The following FAM83F variants were observed in gnomAD, a reference collection of about 807,000 sequenced individuals.
The protein encoded by FAM83F is protein FAM83F.
FAM83F carries 45 observed loss-of-function variants against 42.9 expected under a neutral mutation model. The observed-to-expected ratio is 1.05, with a 90% CI of 0.83 to 1.35. The LOEUF is 1.35. FAM83F is among the 40% of genes most tolerant of loss of function. The pLI, the probability that FAM83F is intolerant of heterozygous loss-of-function variation, is 0.00. For synonymous variants in FAM83F, 306 were observed against 298.3 expected (o/e 1.03, Z -0.27); for missense variants, 617 against 695.9 (o/e 0.89, Z 1.28).
In FAM83F at chr22:39,995,665, A is replaced by G. The variant is rs2067371045; in HGVS notation, c.489+134A>G. 4 of 1,367,720 alleles carry G rather than the reference A, an allele frequency of 2.9e-6. No homozygotes were observed. In the South Asian group the frequency reaches 4.6e-5, roughly 16 times the overall value. The allele number at this position is 1,367,720 out of a possible 1,614,324, so 84.7% of individuals were successfully genotyped here. On this transcript the variant is annotated intron_variant, in intron 1 of 4. Transcript: ENST00000333407. The surrounding 1 kb of genome is among the most constrained non-coding windows in gnomAD (Gnocchi z 4.6). ...GGAAAATGGGCCCCAACCCGCCCCT[A>G]CTTCCTGGGGCTGCAGTGAGGCCTG...
At chr22:40,008,015 T>C (rs899944526) in intron 1 of FAM83F, among the ~76,000 whole-genome samples, 2 of 152,250 alleles carry the variant, frequency 1.3e-5, no homozygotes, top group African/African-American at 4.8e-5. Flanking sequence ...GCAGCGGTTT[T>C]CTTAGCCGTG....
intron 3 of FAM83F, 147 bp downstream of exon 3, chr22:40,020,155 C>G: frequency 8.3e-7 from 1 of 1,199,466 alleles, no homozygotes; most frequent in Non-Finnish European, 1.1e-6. Flanking sequence ...CTGCCCAGTC[C>G]CTTCCCTCAA....
At position 40,030,326 on chromosome 22, in the gene FAM83F, T is replaced by C. The variant is rs774224865; in HGVS notation, c.*761T>C. On this transcript the variant is annotated 3_prime_UTR_variant, in exon 5 of 5. Transcript: ENST00000333407. ...TTGGCTGCTGCCTGCTGCGGGCCTA[T>C]GTGGGGGTCCTTACAGGGCCTTTAC... 10 of 152,362 alleles carry C rather than the reference T, an allele frequency of 6.6e-5. No individual in the cohort carries two copies. The highest frequency in any genetic ancestry group is 1.3e-4 in the Non-Finnish European group (9 of 68,208). The allele number at this position is 152,362 out of a possible 1,614,324, so 9.4% of individuals were successfully genotyped here.
chr22:39,996,761 C>T lies in FAM83F; in HGVS notation c.489+1230C>T, dbSNP rs1259078589. ...TCTAGATAGTTGGCTACATTGGCTACCAGAAGGAAGGGTTAACTTTCCACT... is the reference window on the plus strand; with the variant it reads ...TCTAGATAGTTGGCTACATTGGCTATCAGAAGGAAGGGTTAACTTTCCACT... On this transcript the variant is annotated intron_variant, in intron 1 of 4. Transcript: ENST00000333407. Among the ~76,000 whole-genome samples the T allele has an allele frequency of 3.9e-5, 6 of 152,298 alleles. No homozygotes were observed. In the East Asian group the frequency reaches 1.2e-3, roughly 29 times the overall value.
rs940517772 is a variant in FAM83F at position 40,038,069 on chromosome 22, C to T, written c.*8504C>T. On this transcript the variant is annotated 3_prime_UTR_variant, in exon 5 of 5. Coordinates refer to ENST00000333407, the MANE Select transcript of FAM83F (RefSeq NM_138435.4). The stretch of plus-strand genomic sequence containing the variant: ...TCGTTCATTCATTTGTTCAAACGAA[C>T]TTATTGAGAACTTACTGTGTTCCAG... 4 of 152,202 alleles carry T rather than the reference C, an allele frequency of 2.6e-5. No individual in the cohort carries two copies. The highest frequency in any genetic ancestry group is 5.9e-5 in the Non-Finnish European group (4 of 68,050). 9.4% of individuals were successfully genotyped at this position (152,202 alleles called of 1,614,324 possible). A position where few individuals can be genotyped will look rare whatever the true frequency, so the allele number is the denominator to read the frequency against.
rs1419535048 is a variant in FAM83F, at chr22:40,034,844, G to A, written c.*5279G>A. On this transcript the variant is annotated 3_prime_UTR_variant, in exon 5 of 5. Coordinates refer to ENST00000333407, the MANE Select transcript of FAM83F (RefSeq NM_138435.4). ...GCTGTGATTTAATTTCTTAAGGACT[G>A]GGTTTATCAAAAGTCCCTCCTGATC... 1.3e-5 allele frequency: 2 copies of A among 152,184 alleles called. No individual in the cohort carries two copies. The highest frequency in any genetic ancestry group is 2.9e-5 in the Non-Finnish European group (2 of 68,046). 9.4% of individuals were successfully genotyped at this position (152,184 alleles called of 1,614,324 possible).
rs774188000 is a variant in FAM83F at position 40,037,056 on chromosome 22, C to CA, written c.*7494dup. The CA allele has an allele frequency of 3.9e-5, 6 of 152,282 alleles. No individual in the cohort carries two copies. The East Asian group carries it at 9.6e-4, about 24-fold the overall frequency. The allele number at this position is 152,282 out of a possible 1,614,324, so 9.4% of individuals were successfully genotyped here. The stretch of plus-strand genomic sequence containing the variant: ...CTGAATCCATAATTTTCATGTATCA[C>CA]AAAGTAGTAATATTCTTTTAATATG... On this transcript the variant is annotated 3_prime_UTR_variant, in exon 5 of 5. Transcript: ENST00000333407.
chr22:40,016,525 G>C (rs979110674), intron 1 of FAM83F, among the ~76,000 whole-genome samples: 1 of 152,026 alleles, frequency 6.6e-6, no homozygotes, highest in African/African-American at 2.4e-5. Flanking sequence ...GGAGTGTGTA[G>C]CATTTTATAG....
rs550216367 is a variant in FAM83F at position 40,013,430 on chromosome 22, G to C, written c.490-5738G>C. ...ACATGAAGTTTTGTGGATGTGTGTG[G>C]GTATACATGTATATATGTGTTTGTG... On this transcript the variant is annotated intron_variant, in intron 1 of 4. Coordinates refer to ENST00000333407, the MANE Select transcript of FAM83F (RefSeq NM_138435.4). Among the ~76,000 whole-genome samples, 272 of 152,100 alleles carry C rather than the reference G, an allele frequency of 1.8e-3. 1 individual carries two copies. Among genetic ancestry groups the C allele is most frequent in the African/African-American group, 6.4e-3 (266 of 41,480 alleles).
At chr22:40,029,378 G>A (rs924214333) in intron 4 of FAM83F, 138 bp from the exon 5 acceptor site, 10 of 1,263,674 alleles carry the variant, frequency 7.9e-6, no homozygotes, top group Non-Finnish European at 9.7e-6. Flanking sequence ...TTGGTTTCCA[G>A]ATCAGCAGCT....
At position 40,029,665 on chromosome 22, in the gene FAM83F, C is replaced by T. The variant is rs778387906; in HGVS notation, c.*100C>T. Reference sequence around the variant, plus strand: ...ACACTGCACCAGTTTGCACATCAGACGCCAACTGGCCTTCTGCCCTGCAGC... The same window carrying T: ...ACACTGCACCAGTTTGCACATCAGATGCCAACTGGCCTTCTGCCCTGCAGC... On this transcript the variant is annotated 3_prime_UTR_variant, in exon 5 of 5. Transcript: ENST00000333407. 44 of 1,499,624 alleles carry T rather than the reference C, an allele frequency of 2.9e-5. No homozygotes were observed. The highest frequency in any genetic ancestry group is 1.0e-4 in the Admixed American group (5 of 49,192). The allele number at this position is 1,499,624 out of a possible 1,614,324, so 92.9% of individuals were successfully genotyped here.
Position 40,019,991 on chromosome 22 carries a change from G to A in FAM83F, c.762G>A (p.Val254=). 6.2e-7 allele frequency: 1 copy of A among 1,613,240 alleles called. No homozygotes were observed. The highest frequency in any genetic ancestry group is 8.5e-7 in the Non-Finnish European group (1 of 1,179,546). ...SRFLMVDGDK[V]ATGSYRFTWS... is the part of the protein sequence containing the mutation. ...TCCTGATGGTGGACGGTGACAAAGT[G>A]GCCACTGGATCTTACAGGTGAGTTG... The change falls in exon 3 of 5, where the codon GTG becomes GTA. Residue 254 remains valine (V), a synonymous_variant. Coordinates refer to ENST00000333407, the MANE Select transcript of FAM83F (RefSeq NM_138435.4).
intron 3 of FAM83F, among the ~76,000 whole-genome samples, chr22:40,020,512 A>ACG (rs2067513955): frequency 6.6e-6 from 1 of 151,750 alleles, no homozygotes. Context: ...ACAGGTGCCT[A>ACG]CCACCATGCT....
Position 39,995,660 on chromosome 22 carries a change from C to A in FAM83F, c.489+129C>A. On this transcript the variant is annotated intron_variant, in intron 1 of 4. Transcript: ENST00000333407. The surrounding 1 kb of genome is among the most constrained non-coding windows in gnomAD (Gnocchi z 4.6). ...CCTCTGGAAAATGGGCCCCAACCCG[C>A]CCCTACTTCCTGGGGCTGCAGTGAG... 1 of 1,391,628 alleles carries A rather than the reference C, an allele frequency of 7.2e-7. No homozygotes were observed. Among genetic ancestry groups the A allele is most frequent in the Non-Finnish European group, 9.4e-7 (1 of 1,059,520 alleles). 86.2% of individuals were successfully genotyped at this position (1,391,628 alleles called of 1,614,324 possible). A position where few individuals can be genotyped will look rare whatever the true frequency, so the allele number is the denominator to read the frequency against.
At chr22:40,017,049 GTTT>G (rs902035317) in intron 1 of FAM83F, among the ~76,000 whole-genome samples, 3 of 151,988 alleles carry the variant, frequency 2.0e-5, no homozygotes, top group African/African-American at 4.8e-5. Flanking sequence ...GTTTGTTTTT[GTTT>G]TTGTTTCTCA....
chr22:40,019,807 G>A (rs1313714286), intron 2 of FAM83F, 80 bp from the exon 3 acceptor site: 1 of 1,518,290 alleles, frequency 6.6e-7, no homozygotes. Context: ...ACACAAGGGG[G>A]CTCTTCCTCT....
rs111742427 is a variant in FAM83F at position 39,999,444 on chromosome 22, G to A, written c.489+3913G>A. 7.7e-3 allele frequency among the ~76,000 whole-genome samples: 1,177 copies of A among 152,258 alleles called. 6 individuals carry two copies. The highest frequency in any genetic ancestry group is 0.011 in the Non-Finnish European group (725 of 68,014). On this transcript the variant is annotated intron_variant, in intron 1 of 4. Transcript: ENST00000333407. ...TCTCAAAGATTGACCCTTGACCCCC[G>A]CATTCCTGGCTCACACCCAGATGAA...
chr22:39,995,324 C>T lies in FAM83F; in HGVS notation c.282C>T (p.Pro94=), dbSNP rs1569227784. The change falls in exon 1 of 5, where the codon CCC becomes CCT. Residue 94 remains proline (P), a synonymous_variant. Coordinates refer to ENST00000333407, the MANE Select transcript of FAM83F (RefSeq NM_138435.4). This position sits in a 1 kb window ranked among gnomAD's most constrained non-coding sequence, Gnocchi z 4.6. ...RGKSKAKAKA[P]APAPAESGES... Reference sequence around the variant, plus strand: ...AGAGCAAGGCCAAGGCCAAGGCCCCCGCGCCGGCGCCGGCTGAGTCCGGCG... The same window carrying T: ...AGAGCAAGGCCAAGGCCAAGGCCCCTGCGCCGGCGCCGGCTGAGTCCGGCG... 1.3e-6 allele frequency: 2 copies of T among 1,538,978 alleles called. No homozygotes were observed. Among genetic ancestry groups the T allele is most frequent in the South Asian group, 2.4e-5 (2 of 83,970 alleles).
At chr22:40,009,394 AG>A (rs1049463449) in intron 1 of FAM83F, among the ~76,000 whole-genome samples, 1 of 152,202 alleles carries the variant, frequency 6.6e-6, no homozygotes, top group Non-Finnish European at 1.5e-5. Context: ...CAGCAGGGCA[AG>A]GGGACGGATG....
Sources: allele counts gnomAD v4.1 joint callset (sites outside exome capture counted in the v4.1 genomes callset), GRCh38; gene constraint gnomAD v4.1.1; non-coding constraint Gnocchi (gnomAD v3.1); transcripts MANE v1.5; gene names NCBI Gene and HGNC (gene_info 2026-07-23, HGNC 2026-07-21).